Variants in KLHL7 observed in about 807,000 individuals in gnomAD.
The protein encoded by KLHL7 is kelch-like protein 7.
KLHL7 carries 44 observed loss-of-function variants against 67.4 expected under a neutral mutation model. The observed-to-expected ratio is 0.65, with a 90% CI of 0.51 to 0.84. KLHL7 has a LOEUF of 0.84. Ranked by LOEUF, KLHL7 falls within the 40% of genes least tolerant of loss-of-function variation. The probability of loss-of-function intolerance (pLI) is 0.00; values close to 1 mark genes in which losing one functional copy is unlikely to be tolerated. For missense variants in KLHL7, 362 were observed against 718.1 expected, an observed-to-expected ratio of 0.50 and a Z score of 5.67; for synonymous variants, 252 against 243.3, an observed-to-expected ratio of 1.04 and a Z score of -0.33.
At chr7:23,124,110 C>G (rs1187638596) in intron 2 of KLHL7, among the ~76,000 whole-genome samples, 2 of 138,264 alleles carry the variant, frequency 1.4e-5, no homozygotes, top group African/African-American at 5.6e-5. Flanking sequence ...ACTTAAAAGC[C>G]CAGGGTTGAG....
At chr7:23,172,815 A>G in intron 9 of KLHL7, 133 bp from the exon 10 acceptor site, 1 of 693,560 alleles carries the variant, frequency 1.4e-6, no homozygotes, top group Non-Finnish European at 2.6e-6. Flanking sequence ...CTACCCTTCT[A>G]GACATTTTGT....
intron 7 of KLHL7, 130 bp from the exon 8 acceptor site, chr7:23,165,568 A>T (rs887480723): frequency 1.8e-6 from 2 of 1,116,374 alleles, no homozygotes; most frequent in African/African-American, 3.1e-5. Context: ...AATAGTCTCA[A>T]GCCAAACATT....
At chr7:23,155,620 C>T (rs1288795070) in intron 7 of KLHL7, among the ~76,000 whole-genome samples, 1 of 150,328 alleles carries the variant, frequency 6.7e-6, no homozygotes, top group African/African-American at 2.4e-5. Flanking sequence ...GCTGAGATCA[C>T]ACCACTGCAC....
chr7:23,143,566 T>C (rs370983068), intron 5 of KLHL7, among the ~76,000 whole-genome samples: 1 of 143,170 alleles, frequency 7.0e-6, no homozygotes, highest in Admixed American at 6.8e-5. Flanking sequence ...TATCATGTCT[T>C]TGTCTGAAAA....
At chr7:23,168,859 T>C (rs550051749) in intron 9 of KLHL7, among the ~76,000 whole-genome samples, 1 of 152,382 alleles carries the variant, frequency 6.6e-6, no homozygotes, top group African/African-American at 2.4e-5. Context: ...TAAAATGCTA[T>C]GCCAGAGTTG....
rs754582356 is a variant in KLHL7 at position 23,140,650 on chromosome 7, C to G, written c.443-119C>G. The G allele has an allele frequency of 9.3e-5, 75 of 803,382 alleles. No individual in the cohort carries two copies. In the East Asian group the frequency reaches 2.0e-3, roughly 21 times the overall value. The allele number at this position is 803,382 out of a possible 1,614,324, so 49.8% of individuals were successfully genotyped here. A position where few individuals can be genotyped will look rare whatever the true frequency, so the allele number is the denominator to read the frequency against. On this transcript the variant is annotated intron_variant, in intron 4 of 10. Coordinates refer to ENST00000339077, the MANE Select transcript of KLHL7 (RefSeq NM_001031710.3). ...AATAGACAAATCAATGAAACAGAAA[C>G]GGATCCAGATTTATGAAATTTACTC...
At chr7:23,130,117 G>A (rs1783741755) in intron 4 of KLHL7, among the ~76,000 whole-genome samples, 1 of 152,054 alleles carries the variant, frequency 6.6e-6, no homozygotes, top group Non-Finnish European at 1.5e-5. Flanking sequence ...AAACATCATT[G>A]GTGTCTAAAC....
At chr7:23,153,210 A>G (rs779757301) in intron 7 of KLHL7, among the ~76,000 whole-genome samples, 7 of 77,686 alleles carry the variant, frequency 9.0e-5, no homozygotes, top group Non-Finnish European at 1.8e-4. Context: ...CCTTCAAAAC[A>G]ATTCCTGAGG....
chr7:23,106,880 C>A, intron 1 of KLHL7: 1 of 889,838 alleles, frequency 1.1e-6, no homozygotes, highest in African/African-American at 1.8e-5. Context: ...ACATCTACAC[C>A]GATAAGCATA....
At chr7:23,141,008 A>C (rs1320972040) in intron 5 of KLHL7, 64 bp downstream of exon 5, 1 of 1,287,026 alleles carries the variant, frequency 7.8e-7, no homozygotes, top group Non-Finnish European at 1.1e-6. Flanking sequence ...CTTAAAACTC[A>C]TGTTTGGACA....
intron 4 of KLHL7, among the ~76,000 whole-genome samples, chr7:23,140,350 C>T (rs1174744406): frequency 1.3e-5 from 2 of 152,074 alleles, no homozygotes; most frequent in Non-Finnish European, 2.9e-5. Flanking sequence ...GTCAGGAGAT[C>T]GAGACCATCC....
At chr7:23,138,001 C>T (rs1056567295) in intron 4 of KLHL7, among the ~76,000 whole-genome samples, 1 of 151,342 alleles carries the variant, frequency 6.6e-6, no homozygotes, top group South Asian at 2.1e-4. Context: ...CATGGTAAAA[C>T]CCCACCTCTA....
chr7:23,165,675 C>T, intron 7 of KLHL7, 23 bp from the exon 8 acceptor site: 1 of 1,613,888 alleles, frequency 6.2e-7, no homozygotes, highest in South Asian at 1.1e-5. Flanking sequence ...TTACTGAAAG[C>T]TTCCCATCCT....
At position 23,173,032 on chromosome 7, in the gene KLHL7, T is replaced by C; in HGVS notation, c.1464T>C (p.Gly488=). 1 of 1,612,694 alleles carries C rather than the reference T, an allele frequency of 6.2e-7. No individual in the cohort carries two copies. Among genetic ancestry groups the C allele is most frequent in the Non-Finnish European group, 8.5e-7 (1 of 1,178,768 alleles). ...AAGACAAGATATTTGCTGTGGGTGG[T>C]CAGAATGGTTTAGGTATGTGATGTT... ...FVKDKIFAVG[G]QNGLGGLDNV... The change falls in exon 10 of 11, where the codon GGT becomes GGC. Residue 488 remains glycine (G), a synonymous_variant. Coordinates refer to ENST00000339077, the MANE Select transcript of KLHL7 (RefSeq NM_001031710.3).
chr7:23,140,292 T>A (rs536291031), intron 4 of KLHL7, among the ~76,000 whole-genome samples: 1 of 152,160 alleles, frequency 6.6e-6, no homozygotes, highest in Non-Finnish European at 1.5e-5. Flanking sequence ...CGGTGGCTCA[T>A]GCCTGTAATC....
chr7:23,132,073 C>T (rs1041055452), intron 4 of KLHL7, among the ~76,000 whole-genome samples: 5 of 152,124 alleles, frequency 3.3e-5, no homozygotes, highest in Non-Finnish European at 7.4e-5. Context: ...ACTTACGTTG[C>T]TTCCAAATCT....
rs1382004113 is a variant in KLHL7 at position 23,173,034 on chromosome 7, A to G, written c.1466A>G (p.Gln489Arg). The G allele has an allele frequency of 6.2e-7, 1 of 1,611,888 alleles. No individual in the cohort carries two copies. Among genetic ancestry groups the G allele is most frequent in the Non-Finnish European group, 8.5e-7 (1 of 1,178,040 alleles). The change falls in exon 10 of 11, where the codon CAG (glutamine) becomes CGG (arginine). Residue 489 changes from glutamine (Q) to arginine (R), a missense_variant. Around this residue, in one of 5 missense-constraint regions of KLHL7, gnomAD observed 136 missense variants for 252.7 expected, o/e 0.54. Coordinates refer to ENST00000339077, the MANE Select transcript of KLHL7 (RefSeq NM_001031710.3). ...VKDKIFAVGG[Q>R]NGLGGLDNVE... Reference sequence around the variant, plus strand: ...GACAAGATATTTGCTGTGGGTGGTCAGAATGGTTTAGGTATGTGATGTTAA... The same window carrying G: ...GACAAGATATTTGCTGTGGGTGGTCGGAATGGTTTAGGTATGTGATGTTAA...
intron 1 of KLHL7, among the ~76,000 whole-genome samples, chr7:23,122,580 A>G (rs1393754902): frequency 6.6e-6 from 1 of 152,238 alleles, no homozygotes; most frequent in Non-Finnish European, 1.5e-5. Context: ...AAACCTGCAT[A>G]TAAGTTTTAA....
intron 9 of KLHL7, among the ~76,000 whole-genome samples, chr7:23,172,565 C>A (rs908869487): frequency 9.9e-5 from 15 of 152,122 alleles, no homozygotes; most frequent in African/African-American, 3.6e-4. Flanking sequence ...GTTAATATTT[C>A]CTGCCAGCAG....
Sources: gnomAD v4.1 joint callset for allele counts (sites outside exome capture counted in the v4.1 genomes callset) on GRCh38, gnomAD v4.1.1 for gene constraint, gnomAD v4.1.1 regional missense constraint, MANE v1.5 for transcripts, NCBI Gene and HGNC (gene_info 2026-07-23, HGNC 2026-07-21) for gene names.